The following PAX4 variants were observed in gnomAD, a reference collection of about 807,000 sequenced individuals.
PAX4 encodes paired box protein Pax-4.
In PAX4, 33 loss-of-function variants were observed where a neutral mutation model predicts 40.6. The observed-to-expected ratio is 0.81, with a 90% CI of 0.62 to 1.09. PAX4 has a LOEUF of 1.09. Ranked by LOEUF, PAX4 falls within the 50% of genes least tolerant of loss-of-function variation. The pLI is 0.00. For synonymous variants in PAX4, 174 were observed against 170.6 expected, an observed-to-expected ratio of 1.02 and a Z score of -0.16; for missense variants, 459 against 442.5, an observed-to-expected ratio of 1.04 and a Z score of -0.33.
At chr7:127,614,686 C>G in intron 5 of PAX4, 129 bp from the exon 6 acceptor site, 3 of 1,096,112 alleles carry the variant, frequency 2.7e-6, no homozygotes, top group Non-Finnish European at 4.1e-6. Flanking sequence ...GCAGCCTCCT[C>G]TCTCTCTCTC....
chr7:127,611,475 G>C, intron 11 of PAX4, 60 bp downstream of exon 11: 1 of 1,611,622 alleles, frequency 6.2e-7, no homozygotes, highest in Non-Finnish European at 8.5e-7. Context: ...CCCTCCTGGA[G>C]GTTGAGTCAG....
Position 127,610,983 on chromosome 7 carries a change from A to G in PAX4, c.*81T>C. ...ATCACAGGAAGGAGGAAGGAGCCAC[A>G]GTCTGTATGGGCAGGACGGTAAGGA... On this transcript the variant is annotated 3_prime_UTR_variant, in exon 12 of 12. Transcript: ENST00000639438. 1 of 1,553,076 alleles carries G rather than the reference A, an allele frequency of 6.4e-7. No homozygotes were observed.
At chr7:127,612,081 G>A (rs1051689570) in intron 9 of PAX4, 81 bp from the exon 10 acceptor site, 5 of 1,385,126 alleles carry the variant, frequency 3.6e-6, no homozygotes, top group Non-Finnish European at 4.1e-6. Context: ...CAGGAAGGTT[G>A]GATACAAAGA....
At chr7:127,615,379 G>C (rs919714295) in intron 4 of PAX4, 22 bp downstream of exon 4, 1 of 1,614,052 alleles carries the variant, frequency 6.2e-7, no homozygotes, top group Non-Finnish European at 8.5e-7. Context: ...CCCATCACTG[G>C]GTAAAGGTGC....
At position 127,613,060 on chromosome 7, in the gene PAX4, C is replaced by T. The variant is rs375472849; in HGVS notation, c.677G>A (p.Arg226His). ...VWFSNRRAKW[R>H]RQEKLKWEMQ... is the part of the protein sequence containing the mutation. Reference sequence around the variant, plus strand: ...TTCCCACTTGAGCTTCTCTTGCCGACGCCATTTGGCTCTTCTGTTGGAAAA... The same window carrying T: ...TTCCCACTTGAGCTTCTCTTGCCGATGCCATTTGGCTCTTCTGTTGGAAAA... The change falls in exon 9 of 12, where the codon CGT becomes CAT. Residue 226 changes from arginine (R) to histidine (H), a missense_variant. Coordinates refer to ENST00000639438, the MANE Select transcript of PAX4 (RefSeq NM_001366110.1). 65 of 1,613,348 alleles carry T rather than the reference C, an allele frequency of 4.0e-5. No homozygotes were observed. The highest frequency in any genetic ancestry group is 1.6e-4 in the East Asian group (7 of 44,896).
Position 127,611,010 on chromosome 7 carries a change from A to C in PAX4, c.*54T>G. The C allele has an allele frequency of 6.4e-7, 1 of 1,562,608 alleles. No homozygotes were observed. The highest frequency in any genetic ancestry group is 2.4e-5 in the East Asian group (1 of 42,036). On this transcript the variant is annotated 3_prime_UTR_variant, in exon 12 of 12. Transcript: ENST00000639438. ...TCTGTATGGGCAGGACGGTAAGGAC[A>C]ATGGGCAGGATGGTATTAGATCTTC...
intron 11 of PAX4, 38 bp from the exon 12 acceptor site, chr7:127,611,244 C>A: frequency 6.6e-7 from 1 of 1,525,090 alleles, no homozygotes; most frequent in South Asian, 1.2e-5. Flanking sequence ...GGTTATTGCT[C>A]CCACCCCACC....
rs780430420 is a variant in PAX4 at position 127,614,532 on chromosome 7, C to A, written c.386G>T (p.Arg129Leu). 4 of 1,595,098 alleles carry A rather than the reference C, an allele frequency of 2.5e-6. No homozygotes were observed. The highest frequency in any genetic ancestry group is 3.4e-6 in the Non-Finnish European group (4 of 1,170,514). The change falls in exon 6 of 12, where the codon CGG becomes CTG. Residue 129 changes from arginine to leucine, a missense_variant. Arg to Leu is a moderately radical substitution (Grantham distance 102, BLOSUM62 -2). Coordinates refer to ENST00000639438, the MANE Select transcript of PAX4 (RefSeq NM_001366110.1). The stretch of plus-strand genomic sequence containing the variant: ...TAGTCCCTGGTCCTCCTGTAATGCC[C>A]GCAGGACTCGGTTGATGGAGGAGAC... ...PSVSSINRVL[R>L]ALQEDQGLPC... is the part of the protein sequence containing the mutation.
In PAX4 at chr7:127,612,504, T is replaced by C. The variant is rs769581382; in HGVS notation, c.716-504A>G. On this transcript the variant is annotated intron_variant, in intron 9 of 11. Coordinates refer to ENST00000639438, the MANE Select transcript of PAX4 (RefSeq NM_001366110.1). ...ATGGATGGATGGATGGATGGATGGATGGATGGATAAATGGATAGGTAGATA... is the reference window on the plus strand; with the variant it reads ...ATGGATGGATGGATGGATGGATGGACGGATGGATAAATGGATAGGTAGATA... 8.2e-4 allele frequency among the ~76,000 whole-genome samples: 124 copies of C among 151,260 alleles called. 1 individual carries two copies. Among genetic ancestry groups the C allele is most frequent in the Non-Finnish European group, 1.5e-3 (99 of 67,822 alleles).
chr7:127,614,711 C>T (rs925681619), intron 5 of PAX4, among the ~76,000 whole-genome samples, 154 bp from the exon 6 acceptor site: 6 of 152,146 alleles, frequency 3.9e-5, no homozygotes, highest in African/African-American at 1.4e-4. Flanking sequence ...CTTTCTCCTT[C>T]CCAATCCTCT....
chr7:127,611,968 C>T lies in PAX4; in HGVS notation c.748G>A (p.Ala250Thr), dbSNP rs1432683148. The T allele has an allele frequency of 1.2e-6, 2 of 1,613,984 alleles. No homozygotes were observed. The highest frequency in any genetic ancestry group is 2.7e-5 in the African/African-American group (2 of 74,920). Reference sequence around the variant, plus strand: ...ACCTGTGCAGAGATGATTCCTGGGGCAACCCTTGGTACAGTCAGCCCCTGG... The same window carrying T: ...ACCTGTGCAGAGATGATTCCTGGGGTAACCCTTGGTACAGTCAGCCCCTGG... Reference protein sequence around the residue: ...ASQGLTVPRVAPGIISAQQSP... With the variant: ...ASQGLTVPRVTPGIISAQQSP... The change falls in exon 10 of 12, where the codon GCC becomes ACC. Residue 250 changes from alanine (A) to threonine (T), a missense_variant. Coordinates refer to ENST00000639438, the MANE Select transcript of PAX4 (RefSeq NM_001366110.1).
At chr7:127,613,241 C>A in intron 8 of PAX4, 150 bp from the exon 9 acceptor site, 1 of 857,994 alleles carries the variant, frequency 1.2e-6, no homozygotes. Context: ...TGCTCTCTGG[C>A]CCCTTCCTCA....
At chr7:127,616,953 C>T (rs1233742118) in intron 2 of PAX4, among the ~76,000 whole-genome samples, 4 of 152,202 alleles carry the variant, frequency 2.6e-5, no homozygotes, top group African/African-American at 9.7e-5. Context: ...TTGAAGATGC[C>T]TCCTTTCATG....
chr7:127,615,800 A>G, intron 3 of PAX4, 116 bp downstream of exon 3: 1 of 1,523,554 alleles, frequency 6.6e-7, no homozygotes, highest in Non-Finnish European at 8.8e-7. Context: ...GACTGGAAAA[A>G]GCTTCCCCAG....
At position 127,610,575 on chromosome 7, in the gene PAX4, G is replaced by A. The variant is rs778262241; in HGVS notation, c.*489C>T. On this transcript the variant is annotated 3_prime_UTR_variant, in exon 12 of 12. Coordinates refer to ENST00000639438, the MANE Select transcript of PAX4 (RefSeq NM_001366110.1). ...TGTGTGTGTGTGTGTGTGTGTGCGC[G>A]CACGCATGCACGCATACATAATACA... 119 of 294,304 alleles carry A rather than the reference G, an allele frequency of 4.0e-4. 1 individual carries two copies. Among genetic ancestry groups the A allele is most frequent in the East Asian group, 1.4e-3 (27 of 19,240 alleles). The allele number at this position is 294,304 out of a possible 1,614,324, so 18.2% of individuals were successfully genotyped here. A position where few individuals can be genotyped will look rare whatever the true frequency, so the allele number is the denominator to read the frequency against.
In PAX4 at chr7:127,613,097, C is replaced by T. The variant is rs761845414; in HGVS notation, c.646-6G>A. The stretch of plus-strand genomic sequence containing the variant: ...CTTCTGTTGGAAAACCAGACCTGAG[C>T]GAGGACAGGGACAATGCAGCTGGCT... On this transcript the variant is annotated splice_polypyrimidine_tract_variant and splice_region_variant and intron_variant, in intron 8 of 11. Transcript: ENST00000639438. 4.2e-5 allele frequency: 67 copies of T among 1,612,318 alleles called. No homozygotes were observed. The South Asian group carries it at 7.0e-4, about 17-fold the overall frequency.
intron 2 of PAX4, among the ~76,000 whole-genome samples, chr7:127,616,437 G>A (rs1194067336): frequency 1.3e-5 from 2 of 152,148 alleles, no homozygotes; most frequent in Non-Finnish European, 2.9e-5. Context: ...CAAGTTCAGG[G>A]GTCCACCTTC....
chr7:127,613,928 T>C, intron 6 of PAX4, 47 bp from the exon 7 acceptor site: 1 of 1,610,090 alleles, frequency 6.2e-7, no homozygotes, highest in Non-Finnish European at 8.5e-7. Context: ...TGGTGATTCC[T>C]CTGGTCAGAT....
At chr7:127,613,617 TA>T in intron 7 of PAX4, 85 bp from the exon 8 acceptor site, 4 of 1,584,838 alleles carry the variant, frequency 2.5e-6, no homozygotes, top group Non-Finnish European at 3.5e-6. Context: ...CCCCACCTGC[TA>T]CAACCCCAAA....
Sources: allele counts gnomAD v4.1 joint callset (sites outside exome capture counted in the v4.1 genomes callset), GRCh38; gene constraint gnomAD v4.1.1; transcripts MANE v1.5; gene names NCBI Gene and HGNC (gene_info 2026-07-23, HGNC 2026-07-21).